KATNAL2: variants seen among roughly 807,000 people sequenced by gnomAD.
KATNAL2 encodes katanin catalytic subunit A1 like 2.
KATNAL2 carries 52 observed loss-of-function variants against 76.3 expected under a neutral mutation model. The ratio of observed to expected loss-of-function variants is 0.68; its 90% CI spans 0.55 to 0.86. The LOEUF (loss-of-function observed/expected upper bound fraction) is 0.86. KATNAL2 is among the 40% of genes least tolerant of loss of function. The pLI, the probability that KATNAL2 is intolerant of heterozygous loss-of-function variation, is 0.00. For synonymous variants in KATNAL2, 243 were observed against 244.2 expected (o/e 1.00, Z 0.05); for missense variants, 660 against 668.9 (o/e 0.99, Z 0.15).
intron 1 of KATNAL2, among the ~76,000 whole-genome samples, chr18:46,925,551 G>C (rs1406341062): frequency 6.6e-6 from 1 of 151,856 alleles, no homozygotes; most frequent in Non-Finnish European, 1.5e-5. Flanking sequence ...CTCTTTTTTT[G>C]GTTGTGTCTC....
chr18:47,040,420 A>G (rs2060924184), intron 3 of KATNAL2, among the ~76,000 whole-genome samples: 1 of 152,178 alleles, frequency 6.6e-6, no homozygotes, highest in Non-Finnish European at 1.5e-5. Context: ...TAAATTGGTG[A>G]GAGAATGATG....
At chr18:47,076,826 T>TAG (rs1407052988) in intron 14 of KATNAL2, among the ~76,000 whole-genome samples, 5 of 148,238 alleles carry the variant, frequency 3.4e-5, no homozygotes, top group Admixed American at 6.8e-5. Flanking sequence ...CACATATATA[T>TAG]ATAGAGAGAG....
chr18:47,063,437 A>G (rs2061696249), intron 10 of KATNAL2, 76 bp downstream of exon 10: 1 of 1,052,414 alleles, frequency 9.5e-7, no homozygotes, highest in African/African-American at 1.6e-5. Flanking sequence ...TGCTTCTTTT[A>G]TTAATAACAA....
chr18:47,063,202 A>G (rs1236097072), intron 9 of KATNAL2, 82 bp from the exon 10 acceptor site: 1 of 1,490,366 alleles, frequency 6.7e-7, no homozygotes, highest in Non-Finnish European at 9.3e-7. Context: ...CGTTTGTTTC[A>G]CCAAGACCTG....
At chr18:46,957,319 T>C (rs1161111315) in intron 3 of KATNAL2, among the ~76,000 whole-genome samples, 1 of 142,360 alleles carries the variant, frequency 7.0e-6, no homozygotes, top group Non-Finnish European at 1.5e-5. Context: ...AGTGGCGCGG[T>C]CTCGGCTCAC....
intron 3 of KATNAL2, chr18:47,033,064 T>C (rs139409659): frequency 6.2e-7 from 1 of 1,614,024 alleles, no homozygotes; most frequent in African/African-American, 1.3e-5. Flanking sequence ...CGGGGCCACT[T>C]TCTTGGCAGC....
rs1211740299 is a variant in KATNAL2 at position 46,960,308 on chromosome 18, G to A, written c.51+13385G>A. On this transcript the variant is annotated intron_variant, in intron 3 of 17. Transcript: ENST00000683218. ...TAAAAAATTAGCTGGGCATGGTGGTGGGCGCCTGTAATGCCAGCTACTCGG... is the reference window on the plus strand; with the variant it reads ...TAAAAAATTAGCTGGGCATGGTGGTAGGCGCCTGTAATGCCAGCTACTCGG... Among the ~76,000 whole-genome samples the A allele has an allele frequency of 2.6e-5, 4 of 152,006 alleles. No homozygotes were observed. In the South Asian group the frequency reaches 6.2e-4, roughly 24 times the overall value.
intron 9 of KATNAL2, 31 bp downstream of exon 9, chr18:47,063,101 C>A: frequency 6.4e-7 from 1 of 1,570,422 alleles, no homozygotes; most frequent in Non-Finnish European, 8.8e-7. Flanking sequence ...ATTCATCTTT[C>A]AAATTGCCAA....
chr18:46,952,438 C>A (rs976383774), intron 3 of KATNAL2, among the ~76,000 whole-genome samples: 3 of 118,468 alleles, frequency 2.5e-5, no homozygotes, highest in African/African-American at 9.9e-5. Context: ...CTCACTCTGT[C>A]ACCCAGGCTG....
chr18:47,059,407 T>C, intron 7 of KATNAL2, 149 bp from the exon 8 acceptor site: 1 of 649,214 alleles, frequency 1.5e-6, no homozygotes, highest in Non-Finnish European at 2.8e-6. Flanking sequence ...TCTTCCTGGG[T>C]CTGCACAAAT....
chr18:47,076,828 T>C (rs36095873), intron 14 of KATNAL2, among the ~76,000 whole-genome samples: 1 of 147,962 alleles, frequency 6.8e-6, no homozygotes, highest in South Asian at 2.1e-4. Context: ...CATATATATA[T>C]AGAGAGAGAC....
chr18:46,937,743 G>A (rs1328762413), intron 1 of KATNAL2, among the ~76,000 whole-genome samples: 1 of 152,106 alleles, frequency 6.6e-6, no homozygotes, highest in Non-Finnish European at 1.5e-5. Context: ...GTTTGTAATC[G>A]TGAAAAAATG....
chr18:46,943,124 G>A (rs368689204), intron 1 of KATNAL2, among the ~76,000 whole-genome samples: 4 of 151,982 alleles, frequency 2.6e-5, no homozygotes, highest in Admixed American at 6.6e-5. Flanking sequence ...TGTTCTTTCC[G>A]CGTTTTTTGA....
intron 3 of KATNAL2, among the ~76,000 whole-genome samples, chr18:47,031,657 T>C (rs970148871): frequency 3.3e-5 from 5 of 152,172 alleles, no homozygotes; most frequent in African/African-American, 1.2e-4. Flanking sequence ...AGGATTATTT[T>C]AGTAGAGATG....
rs191716433 is a variant in KATNAL2 at position 46,931,945 on chromosome 18, G to A, written c.-510+14019G>A. ...CTTTTTTTTTTTGAGACGGGGTCTC[G>A]TTCTGTTGCCAGGCTGGAGTGCACT... On this transcript the variant is annotated intron_variant, in intron 1 of 17. Transcript: ENST00000683218. Among the ~76,000 whole-genome samples the A allele has an allele frequency of 4.5e-4, 67 of 147,900 alleles. 1 individual carries two copies. In the East Asian group the frequency reaches 0.011, roughly 25 times the overall value.
At chr18:47,078,665 A>G (rs1208905062) in intron 15 of KATNAL2, among the ~76,000 whole-genome samples, 1 of 152,136 alleles carries the variant, frequency 6.6e-6, no homozygotes, top group East Asian at 1.9e-4. Flanking sequence ...TGAATGTGGG[A>G]AGGTCTGTGC....
chr18:47,060,485 A>T (rs1400836654), intron 8 of KATNAL2, among the ~76,000 whole-genome samples: 1 of 152,194 alleles, frequency 6.6e-6, no homozygotes, highest in African/African-American at 2.4e-5. Flanking sequence ...TAGATTTCTA[A>T]ATAATAATGT....
chr18:47,089,875 C>G (rs1244667522), intron 15 of KATNAL2, among the ~76,000 whole-genome samples: 1 of 152,054 alleles, frequency 6.6e-6, no homozygotes, highest in Non-Finnish European at 1.5e-5. Flanking sequence ...AGCCCTGCAC[C>G]TAAAGGTCAG....
chr18:47,078,469 T>C (rs547287142), intron 15 of KATNAL2, among the ~76,000 whole-genome samples: 4 of 152,334 alleles, frequency 2.6e-5, no homozygotes, highest in South Asian at 4.1e-4. Flanking sequence ...TTTGAAGATA[T>C]AGGATCTATA....
Sources: allele counts gnomAD v4.1 joint callset (sites outside exome capture counted in the v4.1 genomes callset), GRCh38; gene constraint gnomAD v4.1.1; transcripts MANE v1.5; gene names NCBI Gene and HGNC (gene_info 2026-07-23, HGNC 2026-07-21).